The following MAPK10 variants were observed in gnomAD, a reference collection of about 807,000 sequenced individuals.
The protein encoded by MAPK10 is mitogen-activated protein kinase 10.
In MAPK10, 25 loss-of-function variants were observed where a neutral mutation model predicts 59.3. The ratio of observed to expected loss-of-function variants is 0.42; its 90% CI spans 0.31 to 0.59. The LOEUF (loss-of-function observed/expected upper bound fraction) is 0.59. Ranked by LOEUF, MAPK10 falls within the 20% of genes least tolerant of loss-of-function variation. The probability of loss-of-function intolerance (pLI) is 0.15; values close to 1 mark genes in which losing one functional copy is unlikely to be tolerated. For missense variants in MAPK10, 351 were observed against 568.9 expected (o/e 0.62, Z 3.90); for synonymous variants, 190 against 200.5 (o/e 0.95, Z 0.44).
intron 2 of MAPK10, among the ~76,000 whole-genome samples, chr4:86,294,474 C>T (rs552621637): frequency 7.9e-5 from 12 of 151,846 alleles, no homozygotes; most frequent in Admixed American, 2.0e-4. Flanking sequence ...CTACTAGAAC[C>T]TCTGTTTCTA....
chr4:86,089,349 C>A, intron 9 of MAPK10: 1 of 990,344 alleles, frequency 1.0e-6, no homozygotes, highest in Non-Finnish European at 1.6e-6. Context: ...AAACACTGGG[C>A]TACTCATGCC....
At chr4:86,236,268 T>C (rs1259624569) in intron 2 of MAPK10, among the ~76,000 whole-genome samples, 1 of 152,190 alleles carries the variant, frequency 6.6e-6, no homozygotes, top group Non-Finnish European at 1.5e-5. Context: ...AAAGTCTCTT[T>C]TTATCACATA....
chr4:86,346,232 C>T (rs1215170174), intron 2 of MAPK10, among the ~76,000 whole-genome samples: 2 of 152,124 alleles, frequency 1.3e-5, no homozygotes, highest in Non-Finnish European at 2.9e-5. Context: ...GTGTCACAAG[C>T]TATCTTCACT....
At chr4:86,203,803 A>G (rs2083196342) in intron 2 of MAPK10, among the ~76,000 whole-genome samples, 1 of 151,538 alleles carries the variant, frequency 6.6e-6, no homozygotes, top group Admixed American at 6.6e-5. Flanking sequence ...GCAAAAGACC[A>G]GATGAAAAAT....
chr4:86,275,015 C>T (rs1194138318), intron 2 of MAPK10, among the ~76,000 whole-genome samples: 6 of 151,994 alleles, frequency 3.9e-5, no homozygotes, highest in African/African-American at 1.4e-4. Flanking sequence ...ATCTTCAGAA[C>T]CCCATTCACC....
intron 13 of MAPK10, chr4:86,026,912 G>A (rs138433884): frequency 1.3e-4 from 20 of 152,170 alleles, no homozygotes; most frequent in African/African-American, 3.9e-4. Flanking sequence ...CAACAAAAAC[G>A]CCCTGATTTG....
chr4:86,248,414 T>C (rs116442084), intron 2 of MAPK10, among the ~76,000 whole-genome samples: 1 of 152,210 alleles, frequency 6.6e-6, no homozygotes, highest in Non-Finnish European at 1.5e-5. Flanking sequence ...ATTAGTTTTT[T>C]TAAAATCTCA....
intron 11 of MAPK10, among the ~76,000 whole-genome samples, chr4:86,035,853 A>G (rs1399022692): frequency 1.3e-5 from 2 of 152,164 alleles, no homozygotes; most frequent in Non-Finnish European, 2.9e-5. Flanking sequence ...ATATAATCTG[A>G]AGTTCAGAGG....
chr4:86,140,596 G>A (rs1047636334), intron 4 of MAPK10, among the ~76,000 whole-genome samples: 16 of 150,636 alleles, frequency 1.1e-4, no homozygotes, highest in African/African-American at 3.7e-4. Flanking sequence ...TGACGAGTTA[G>A]TGGGTGCAGC....
At chr4:86,139,601 A>T (rs182096973) in intron 4 of MAPK10, among the ~76,000 whole-genome samples, 1 of 152,366 alleles carries the variant, frequency 6.6e-6, no homozygotes, top group Admixed American at 6.5e-5. Flanking sequence ...CCAAGGCATT[A>T]CCATTCAGGA....
At chr4:86,549,834 G>C (rs1054659615) in intron 1 of MAPK10, among the ~76,000 whole-genome samples, 3 of 152,030 alleles carry the variant, frequency 2.0e-5, no homozygotes, top group Admixed American at 6.6e-5. Context: ...GACAGCACAA[G>C]GCCCTGTTTC....
chr4:86,269,581 A>C (rs1386986552), intron 2 of MAPK10, among the ~76,000 whole-genome samples: 1 of 151,952 alleles, frequency 6.6e-6, no homozygotes, highest in Non-Finnish European at 1.5e-5. Context: ...TCTCGCCTCT[A>C]TCCAGCCTCC....
At chr4:86,074,730 C>T (rs1365372517) in intron 9 of MAPK10, among the ~76,000 whole-genome samples, 1 of 142,254 alleles carries the variant, frequency 7.0e-6, no homozygotes, top group Non-Finnish European at 1.5e-5. Flanking sequence ...CCCCCACTCT[C>T]TTCTGGCTTG....
chr4:86,183,407 G>A (rs1162116224), intron 3 of MAPK10, among the ~76,000 whole-genome samples: 2 of 150,190 alleles, frequency 1.3e-5, no homozygotes, highest in South Asian at 2.1e-4. Context: ...TTTTGTCCTT[G>A]CGATAGTTTG....
chr4:86,467,337 A>G (rs918669692), intron 1 of MAPK10, among the ~76,000 whole-genome samples: 3 of 152,198 alleles, frequency 2.0e-5, no homozygotes, highest in Non-Finnish European at 4.4e-5. Context: ...GACTTTGCAG[A>G]GAAAGATAAG....
chr4:86,437,336 T>C (rs1186559947), intron 1 of MAPK10, among the ~76,000 whole-genome samples: 1 of 152,186 alleles, frequency 6.6e-6, no homozygotes, highest in Non-Finnish European at 1.5e-5. Flanking sequence ...TGGGATATTA[T>C]AGTTTATCAA....
chr4:86,195,195 C>T (rs531119197), intron 2 of MAPK10, among the ~76,000 whole-genome samples: 7 of 152,214 alleles, frequency 4.6e-5, no homozygotes, highest in African/African-American at 1.7e-4. Context: ...GACACAGCAA[C>T]ATCAGAGAAA....
intron 2 of MAPK10, among the ~76,000 whole-genome samples, chr4:86,297,474 G>A (rs924666364): frequency 4.6e-5 from 7 of 151,914 alleles, no homozygotes; most frequent in East Asian, 1.9e-4. Context: ...CACCAAGGTC[G>A]GCTACTTTTT....
intron 1 of MAPK10, among the ~76,000 whole-genome samples, chr4:86,530,521 T>TA (rs1365691494): frequency 6.6e-6 from 1 of 152,150 alleles, no homozygotes; most frequent in African/African-American, 2.4e-5. Context: ...CTGGGTGGCT[T>TA]AAAAACAACC....
Sources: allele counts gnomAD v4.1 joint callset (sites outside exome capture counted in the v4.1 genomes callset), GRCh38; gene constraint gnomAD v4.1.1; transcripts MANE v1.5; gene names NCBI Gene and HGNC (gene_info 2026-07-23, HGNC 2026-07-21).